The following CSMD3 variants were observed in gnomAD, a reference collection of about 807,000 sequenced individuals.
CSMD3 encodes the protein CUB and Sushi multiple domains 3.
A neutral mutation model predicts 435.2 loss-of-function variants in CSMD3; 177 were observed. The ratio of observed to expected loss-of-function variants is 0.41; its 90% confidence interval spans 0.36 to 0.46. The LOEUF is 0.46. Among genes scored for constraint, CSMD3 ranks in the 20% least tolerant of loss-of-function variants. The pLI, the probability that CSMD3 is intolerant of heterozygous loss-of-function variation, is 0.34. For missense variants in CSMD3, 4,265 were observed against 4,504.6 expected (o/e 0.95, Z 1.52); for synonymous variants, 1,656 against 1,520.5 (o/e 1.09, Z -2.07).
chr8:112,570,989 A>C (rs1396502469), intron 24 of CSMD3, among the ~76,000 whole-genome samples: 2 of 152,004 alleles, frequency 1.3e-5, no homozygotes, highest in African/African-American at 4.8e-5. Flanking sequence ...TTTAATGGAC[A>C]ATTATTAATT....
intron 2 of CSMD3, among the ~76,000 whole-genome samples, chr8:113,308,345 T>G (rs1756294526): frequency 7.8e-6 from 1 of 127,432 alleles, no homozygotes; most frequent in Admixed American, 1.0e-4. Flanking sequence ...CTCGGCTCAC[T>G]GCAAGCTCCG....
chr8:113,377,229 G>A, intron 1 of CSMD3: 2 of 857,656 alleles, frequency 2.3e-6, no homozygotes, highest in South Asian at 2.7e-5. Flanking sequence ...CGAAGGGCCA[G>A]CCGAGGATAC....
chr8:112,608,046 T>C (rs557311726), intron 22 of CSMD3, among the ~76,000 whole-genome samples: 19 of 152,232 alleles, frequency 1.2e-4, no homozygotes, highest in Admixed American at 1.2e-3. Context: ...ATCTTACATA[T>C]AGAAAACTCT....
At chr8:112,580,171 G>C (rs1433447507) in intron 23 of CSMD3, among the ~76,000 whole-genome samples, 2 of 151,972 alleles carry the variant, frequency 1.3e-5, no homozygotes, top group Non-Finnish European at 2.9e-5. Context: ...GCTATTTGAT[G>C]TTAATTGCAC....
chr8:112,687,406 C>A (rs1423803262), intron 14 of CSMD3, among the ~76,000 whole-genome samples: 6 of 151,904 alleles, frequency 3.9e-5, no homozygotes, highest in Admixed American at 6.6e-5. Flanking sequence ...ATGCATAAAA[C>A]TTTCTCATTA....
At chr8:113,039,650 C>T (rs942447812) in intron 5 of CSMD3, among the ~76,000 whole-genome samples, 5 of 151,818 alleles carry the variant, frequency 3.3e-5, no homozygotes, top group East Asian at 1.9e-4. Context: ...GTGGCACATA[C>T]GGATTGTGAG....
chr8:113,428,783 A>C (rs1333265838), intron 1 of CSMD3, among the ~76,000 whole-genome samples: 3 of 151,910 alleles, frequency 2.0e-5, no homozygotes, highest in Non-Finnish European at 1.5e-5. Flanking sequence ...ACAGAAAACT[A>C]TGGCAAAAGC....
At chr8:112,936,299 A>G (rs1342734187) in intron 9 of CSMD3, among the ~76,000 whole-genome samples, 1 of 151,820 alleles carries the variant, frequency 6.6e-6, no homozygotes, top group Non-Finnish European at 1.5e-5. Flanking sequence ...TTCCCATTTT[A>G]CTTCTGTACC....
intron 27 of CSMD3, among the ~76,000 whole-genome samples, chr8:112,518,697 T>C (rs1823960692): frequency 6.6e-6 from 1 of 151,662 alleles, no homozygotes; most frequent in Non-Finnish European, 1.5e-5. Flanking sequence ...TGCTCTGGAA[T>C]GGTTTCTACC....
intron 35 of CSMD3, 134 bp from the exon 36 acceptor site, chr8:112,390,922 A>G: frequency 1.2e-6 from 1 of 841,786 alleles, no homozygotes; most frequent in Middle Eastern, 2.4e-4. Context: ...AAACTGATAA[A>G]AGCAATGAAA....
At chr8:112,730,953 A>G (rs2077061145) in intron 13 of CSMD3, among the ~76,000 whole-genome samples, 2 of 152,120 alleles carry the variant, frequency 1.3e-5, no homozygotes, top group African/African-American at 4.8e-5. Context: ...TGCTAAGGAA[A>G]TGTATGCAAA....
At chr8:113,089,178 C>T (rs2089915296) in intron 5 of CSMD3, among the ~76,000 whole-genome samples, 2 of 152,148 alleles carry the variant, frequency 1.3e-5, no homozygotes, top group African/African-American at 4.8e-5. Flanking sequence ...CTCCACTCTC[C>T]TCTTTCAATA....
At chr8:112,897,603 G>T (rs1237466119) in intron 10 of CSMD3, among the ~76,000 whole-genome samples, 2 of 150,414 alleles carry the variant, frequency 1.3e-5, no homozygotes, top group Non-Finnish European at 3.0e-5. Flanking sequence ...AGTATCAACA[G>T]GTTAAAATGT....
intron 27 of CSMD3, among the ~76,000 whole-genome samples, chr8:112,518,872 A>C (rs1218762749): frequency 6.6e-6 from 1 of 152,108 alleles, no homozygotes; most frequent in African/African-American, 2.4e-5. Flanking sequence ...TCATGGCAGA[A>C]GGCAAAGGGG....
intron 32 of CSMD3, among the ~76,000 whole-genome samples, chr8:112,432,322 A>G (rs1338374162): frequency 6.6e-6 from 1 of 151,964 alleles, no homozygotes; most frequent in East Asian, 1.9e-4. Flanking sequence ...ATTTTACTTT[A>G]TTTTAGGGTC....
At chr8:113,207,725 G>T (rs1187816211) in intron 3 of CSMD3, among the ~76,000 whole-genome samples, 1 of 152,134 alleles carries the variant, frequency 6.6e-6, no homozygotes, top group African/African-American at 2.4e-5. Context: ...TGTCAACTAG[G>T]ATCTGGTGTT....
intron 30 of CSMD3, among the ~76,000 whole-genome samples, chr8:112,501,395 GAA>G (rs753817533): frequency 5.9e-5 from 6 of 102,142 alleles, no homozygotes; most frequent in Admixed American, 1.1e-4. Context: ...CCATCTCAAG[GAA>G]AAAAAAAAAA....
At chr8:112,723,982 A>G (rs2076914063) in intron 13 of CSMD3, among the ~76,000 whole-genome samples, 1 of 152,104 alleles carries the variant, frequency 6.6e-6, no homozygotes, top group Non-Finnish European at 1.5e-5. Flanking sequence ...CTTGGAAAAA[A>G]AAAATACCTG....
chr8:112,737,409 T>G (rs1345451036), intron 13 of CSMD3, among the ~76,000 whole-genome samples: 2 of 151,932 alleles, frequency 1.3e-5, no homozygotes, highest in South Asian at 2.1e-4. Flanking sequence ...ACAGAGGTGA[T>G]ATTTTGATTA....
Sources: gnomAD v4.1 joint callset for allele counts (sites outside exome capture counted in the v4.1 genomes callset) on GRCh38, gnomAD v4.1.1 for gene constraint, MANE v1.5 for transcripts, NCBI Gene and HGNC (gene_info 2026-07-23, HGNC 2026-07-21) for gene names.